DOCK9: variants seen among roughly 807,000 people sequenced by gnomAD.
The protein encoded by DOCK9 is dedicator of cytokinesis 9, also known as dedicator of cytokinesis protein 9.
DOCK9 carries 89 observed loss-of-function variants against 263.3 expected under a neutral mutation model. The observed-to-expected ratio is 0.34, with a 90% CI of 0.28 to 0.40. The LOEUF is 0.40. Ranked by LOEUF, DOCK9 falls within the 10% of genes least tolerant of loss-of-function variation. DOCK9 has a pLI of 1.00. For synonymous variants in DOCK9, 976 were observed against 973.1 expected, an observed-to-expected ratio of 1.00 and a Z score of -0.06; for missense variants, 2,140 against 2,603.4, an observed-to-expected ratio of 0.82 and a Z score of 3.87.
chr13:99,031,123 T>TA (rs1555297072), intron 1 of DOCK9, among the ~76,000 whole-genome samples: 4,306 of 151,628 alleles, frequency 0.028, 190 homozygotes, highest in African/African-American at 0.098. Context: ...ATGTTTTTTT[T>TA]AAAAAAAAGT....
At chr13:98,895,078 G>A (rs1313435623) in intron 15 of DOCK9, among the ~76,000 whole-genome samples, 11 of 150,426 alleles carry the variant, frequency 7.3e-5, no homozygotes, top group Admixed American at 1.3e-4. Context: ...CCTGGGAGGC[G>A]GAGGTTGCAG....
At position 98,930,173 on chromosome 13, in the gene DOCK9, T is replaced by C; in HGVS notation, c.328A>G (p.Thr110Ala). Residue 110 changes from threonine (T) to alanine (A), a missense_variant, in exon 3 of 53, where the codon ACA (threonine) becomes GCA (alanine). Around this residue, in one of 2 missense-constraint regions of DOCK9, gnomAD observed 1,521 missense variants for 1,741.7 expected, o/e 0.87. Coordinates refer to ENST00000682017, the MANE Select transcript of DOCK9 (RefSeq NM_001366683.2). ...AATGCAGGAAAGAGCCTTACCTCTG[T>C]AACAAACAAGCTCTGTGCTTCCTCT... ...AEEEAQSLFV[T>A]ECIKTYNSDW... is the part of the protein sequence containing the mutation. 6.2e-7 allele frequency: 1 copy of C among 1,609,264 alleles called. No homozygotes were observed. Among genetic ancestry groups the C allele is most frequent in the Non-Finnish European group, 8.5e-7 (1 of 1,177,730 alleles).
At chr13:98,851,211 G>A (rs1219262215) in intron 35 of DOCK9, among the ~76,000 whole-genome samples, 1 of 152,232 alleles carries the variant, frequency 6.6e-6, no homozygotes, top group African/African-American at 2.4e-5. Flanking sequence ...GCTCAGAGAA[G>A]TAAAGTAATT....
rs58188442 is a variant in DOCK9 at position 98,888,645 on chromosome 13, G to T, written c.1776C>A (p.Ser592=). ...GNLDITIDNV[S]SDFPNYVNSS... is the part of the protein sequence containing the mutation. ...ACTGACACTTACTAGGGAAGTCTGA[G>T]GAAACATTATCAATTGTAATGTCTA... The change falls in exon 16 of 53, where the codon TCC becomes TCA. Residue 592 remains serine, a synonymous_variant. Coordinates refer to ENST00000682017, the MANE Select transcript of DOCK9 (RefSeq NM_001366683.2). 2 of 1,613,632 alleles carry T rather than the reference G, an allele frequency of 1.2e-6. No individual in the cohort carries two copies. The highest frequency in any genetic ancestry group is 8.5e-7 in the Non-Finnish European group (1 of 1,179,754).
intron 1 of DOCK9, among the ~76,000 whole-genome samples, chr13:99,067,540 G>A (rs1358525066): frequency 5.9e-5 from 9 of 152,172 alleles, no homozygotes; most frequent in Non-Finnish European, 1.3e-4. Context: ...CACTGCAGAT[G>A]GAAGTGAGCT....
At chr13:98,823,895 A>AT (rs1259515218) in intron 45 of DOCK9, among the ~76,000 whole-genome samples, 1 of 152,160 alleles carries the variant, frequency 6.6e-6, no homozygotes. Flanking sequence ...CTAAGGGCCC[A>AT]TAGGACCTGC....
intron 47 of DOCK9, among the ~76,000 whole-genome samples, chr13:98,808,374 G>C (rs536521402): frequency 2.6e-4 from 40 of 152,202 alleles, no homozygotes; most frequent in Non-Finnish European, 5.3e-4. Flanking sequence ...GTCATCATCT[G>C]TTTTAGCACC....
intron 1 of DOCK9, among the ~76,000 whole-genome samples, chr13:98,989,346 GATAATA>G (rs777442315): frequency 3.7e-4 from 22 of 60,064 alleles, no homozygotes; most frequent in African/African-American, 7.2e-4. Flanking sequence ...TGATGATGAT[GATAATA>G]ATAATAATAA....
intron 1 of DOCK9, among the ~76,000 whole-genome samples, chr13:99,052,272 G>A (rs905413102): frequency 9.2e-5 from 14 of 152,288 alleles, no homozygotes; most frequent in Non-Finnish European, 1.9e-4. Context: ...CTTCCACAGA[G>A]ACCCTCACCC....
At chr13:98,856,197 A>G (rs1368917879) in intron 33 of DOCK9, 166 bp from the exon 34 acceptor site, 2 of 619,556 alleles carry the variant, frequency 3.2e-6, no homozygotes, top group Non-Finnish European at 2.7e-6. Flanking sequence ...CAGGTCATAT[A>G]CAATGAGATA....
At position 98,992,744 on chromosome 13, in the gene DOCK9, CT is replaced by C. The variant is rs370507418; in HGVS notation, c.130-37194del. Among the ~76,000 whole-genome samples, 251 of 152,308 alleles carry C rather than the reference CT, an allele frequency of 1.6e-3. 2 individuals are homozygous for C. The highest frequency in any genetic ancestry group is 4.4e-3 in the Admixed American group (68 of 15,306). Reference sequence around the variant, plus strand: ...GTGGAACTGTGAGTCCATTAAACCTCTTTCCTTTATAAATTACAGTCTCAGG... The same window carrying C: ...GTGGAACTGTGAGTCCATTAAACCTCTTCCTTTATAAATTACAGTCTCAGG... On this transcript the variant is annotated intron_variant, in intron 1 of 32. Transcript: ENST00000427887.
intron 27 of DOCK9, among the ~76,000 whole-genome samples, chr13:98,874,977 C>T (rs574834556): frequency 6.6e-6 from 1 of 152,270 alleles, no homozygotes; most frequent in South Asian, 2.1e-4. Flanking sequence ...CCCCAGCGGC[C>T]TTACCTGGGC....
intron 2 of DOCK9, among the ~76,000 whole-genome samples, chr13:98,945,239 T>C (rs1393587261): frequency 6.6e-6 from 1 of 152,246 alleles, no homozygotes; most frequent in Non-Finnish European, 1.5e-5. Context: ...GATTGACGTT[T>C]AGTAGGCCTG....
At chr13:98,837,074 CAG>C (rs2093031247) in intron 39 of DOCK9, among the ~76,000 whole-genome samples, 1 of 151,880 alleles carries the variant, frequency 6.6e-6, no homozygotes. Flanking sequence ...AATGCAGTAA[CAG>C]ATAAAAAACT....
intron 1 of DOCK9, among the ~76,000 whole-genome samples, chr13:99,075,330 T>C (rs1315898884): frequency 1.3e-5 from 2 of 151,688 alleles, no homozygotes; most frequent in African/African-American, 4.8e-5. Context: ...TTCAAACCCA[T>C]GTTGTTCAAA....
chr13:98,876,486 A>G (rs1445167250), intron 27 of DOCK9, among the ~76,000 whole-genome samples: 2 of 152,240 alleles, frequency 1.3e-5, no homozygotes, highest in Non-Finnish European at 2.9e-5. Flanking sequence ...AGCAAAAAAT[A>G]TTAAGGTCAG....
At position 98,881,643 on chromosome 13, in the gene DOCK9, G is replaced by A. The variant is rs2296994; in HGVS notation, c.2676-16C>T. 206,686 of 1,598,088 alleles carry A rather than the reference G, an allele frequency of 0.13. 14,532 individuals carry two copies. The highest frequency in any genetic ancestry group is 0.24 in the East Asian group (10,514 of 44,474). ...AATAATGACCCTACACACCACAGGA[G>A]TGAATAAAGCAAAGAATATGTAAAA... On this transcript the variant is annotated splice_polypyrimidine_tract_variant and intron_variant, in intron 24 of 52. Coordinates refer to ENST00000682017, the MANE Select transcript of DOCK9 (RefSeq NM_001366683.2).
chr13:98,990,293 C>T (rs1158506359), intron 1 of DOCK9, among the ~76,000 whole-genome samples: 1 of 152,200 alleles, frequency 6.6e-6, no homozygotes, highest in Non-Finnish European at 1.5e-5. Context: ...TCCAGTGTTA[C>T]AGACTTAATG....
At chr13:98,997,783 T>C (rs1307694232) in intron 1 of DOCK9, among the ~76,000 whole-genome samples, 2 of 152,240 alleles carry the variant, frequency 1.3e-5, no homozygotes, top group African/African-American at 4.8e-5. Context: ...ATCTTTGTTA[T>C]ACAATAGAAA....
Sources: gnomAD v4.1 joint callset for allele counts (sites outside exome capture counted in the v4.1 genomes callset) on GRCh38, gnomAD v4.1.1 for gene constraint, gnomAD v4.1.1 regional missense constraint, MANE v1.5 for transcripts, NCBI Gene and HGNC (gene_info 2026-07-23, HGNC 2026-07-21) for gene names.